The following ZGPAT variants were observed in gnomAD, a reference collection of about 807,000 sequenced individuals.
ZGPAT encodes zinc finger CCCH-type with G patch domain-containing protein.
Under a neutral mutation model 47.9 loss-of-function variants are expected in ZGPAT, and 39 were observed. That is an observed-to-expected ratio of 0.81 (90% CI 0.63 to 1.06). ZGPAT has a LOEUF of 1.06. ZGPAT is among the 50% of genes least tolerant of loss of function. The pLI is 0.00. For synonymous variants in ZGPAT, 348 were observed against 292.9 expected, an observed-to-expected ratio of 1.19 and a Z score of -1.92; for missense variants, 717 against 681.4, an observed-to-expected ratio of 1.05 and a Z score of -0.58.
chr20:63,716,164 G>A (rs908718915), intron 2 of ZGPAT, among the ~76,000 whole-genome samples: 17 of 151,986 alleles, frequency 1.1e-4, no homozygotes, highest in Non-Finnish European at 2.9e-5. Flanking sequence ...CCAGTATCTC[G>A]GACTACAGGC....
rs1227785931 is a variant in ZGPAT at position 63,735,250 on chromosome 20, G to A, written c.1083G>A (p.Leu361=). ...CGCTGGACCAGTGTGTGGAGACCCT[G>A]CAGAAGCAGACCAGGGTTGGCAAGG... ...GKSLDQCVET[L]QKQTRVGKAG... Residue 361 remains leucine, a synonymous_variant, in exon 6 of 7, where the codon CTG becomes CTA. Transcript: ENST00000355969. 1.2e-6 allele frequency: 2 copies of A among 1,604,522 alleles called. No individual in the cohort carries two copies. Among genetic ancestry groups the A allele is most frequent in the Non-Finnish European group, 1.7e-6 (2 of 1,175,726 alleles).
intron 2 of ZGPAT, among the ~76,000 whole-genome samples, chr20:63,721,968 G>A (rs964540320): frequency 6.7e-6 from 1 of 149,302 alleles, no homozygotes. Flanking sequence ...AGCTGAGATC[G>A]TGCCATTGCA....
chr20:63,732,763 C>G (rs1001056141), intron 2 of ZGPAT, among the ~76,000 whole-genome samples: 2 of 148,424 alleles, frequency 1.3e-5, no homozygotes, highest in Non-Finnish European at 3.0e-5. Context: ...TGCCTGTGTA[C>G]GTATGTATAT....
rs779106808 is a variant in ZGPAT, at chr20:63,718,176, C to T, written c.584+9012C>T. 4.6e-5 allele frequency among the ~76,000 whole-genome samples: 7 copies of T among 151,804 alleles called. No individual in the cohort carries two copies. In the East Asian group the frequency reaches 7.8e-4, roughly 17 times the overall value. ...TGCTGAGATTATGGGCAAGAGCCAC[C>T]GCACCCTGCCACTTGGCTGTTTTGT... On this transcript the variant is annotated intron_variant, in intron 2 of 6. Transcript: ENST00000355969.
chr20:63,708,788 C>T lies in ZGPAT; in HGVS notation c.208C>T (p.Arg70Cys), dbSNP rs765193445. Residue 70 changes from arginine (R) to cysteine (C), a missense_variant, in exon 2 of 7, where the codon CGC becomes TGC. By Grantham distance (180) the Arg-to-Cys change is radical (BLOSUM62 -3). Transcript: ENST00000355969. ...CTTGTTGGCCGCGCTGGACGAAGAG[C>T]GCCCGGGCCGCCAGGAAGATGCTGA... Reference protein sequence around the residue: ...SSLLAALDEERPGRQEDAEYQ... With the variant: ...SSLLAALDEECPGRQEDAEYQ... The T allele has an allele frequency of 6.2e-7, 1 of 1,606,080 alleles. No homozygotes were observed. The highest frequency in any genetic ancestry group is 8.5e-7 in the Non-Finnish European group (1 of 1,174,692).
At chr20:63,724,988 T>C (rs1472097955) in intron 2 of ZGPAT, among the ~76,000 whole-genome samples, 1 of 149,806 alleles carries the variant, frequency 6.7e-6, no homozygotes, top group East Asian at 2.0e-4. Context: ...GAATTTCTTT[T>C]TTTTTTTTTT....
At chr20:63,710,774 A>C (rs2091657951) in intron 2 of ZGPAT, among the ~76,000 whole-genome samples, 1 of 152,250 alleles carries the variant, frequency 6.6e-6, no homozygotes, top group South Asian at 2.1e-4. Context: ...ATGTGAGGAC[A>C]AAAAAGAGTA....
intron 2 of ZGPAT, among the ~76,000 whole-genome samples, chr20:63,712,506 C>G (rs1029232600): frequency 6.6e-6 from 1 of 152,166 alleles, no homozygotes; most frequent in Admixed American, 6.5e-5. Flanking sequence ...ATTTTAGGAT[C>G]GGCTTGTCCA....
intron 2 of ZGPAT, among the ~76,000 whole-genome samples, chr20:63,731,711 GTGTGAGAT>G (rs969282555): frequency 1.6e-4 from 23 of 142,098 alleles, no homozygotes; most frequent in African/African-American, 6.0e-4. Flanking sequence ...CCCTTTGTGT[GTGTGAGAT>G]TGTGTGTGCA....
intron 2 of ZGPAT, among the ~76,000 whole-genome samples, chr20:63,727,007 C>CA (rs2091852069): frequency 6.6e-6 from 1 of 152,078 alleles, no homozygotes; most frequent in Non-Finnish European, 1.5e-5. Context: ...CCATCATTGT[C>CA]ACCCAAGGTC....
chr20:63,727,664 G>A (rs1273180054), intron 2 of ZGPAT, among the ~76,000 whole-genome samples: 3 of 141,600 alleles, frequency 2.1e-5, no homozygotes, highest in Non-Finnish European at 3.0e-5. Flanking sequence ...AGTGGGACTC[G>A]GTCTCAAAAA....
Position 63,735,904 on chromosome 20 carries a change from G to T in ZGPAT, c.1521G>T (p.Lys507Asn), listed in dbSNP as rs144346262. The change falls in exon 7 of 7, where the codon AAG becomes AAT. Residue 507 changes from lysine (K) to asparagine (N), a missense_variant. Coordinates refer to ENST00000355969, the MANE Select transcript of ZGPAT (RefSeq NM_181485.3). Reference protein sequence around the residue: ...QEQRKADTHKKMTEF With the variant: ...QEQRKADTHKNMTEF ...AGAGGAAGGCAGACACCCACAAGAA[G>T]ATGACTGAGTTCTAGAGACCCCACA... 4.8e-4 allele frequency: 768 copies of T among 1,612,526 alleles called. 4 individuals are homozygous for T. Among genetic ancestry groups the T allele is most frequent in the Non-Finnish European group, 1.0e-4 (118 of 1,179,802 alleles).
intron 4 of ZGPAT, chr20:63,733,971 CGTGGCTGTGGCCATGGGA>C (rs1425610488): frequency 3.5e-5 from 20 of 575,684 alleles, no homozygotes; most frequent in Non-Finnish European, 5.7e-5. Flanking sequence ...AGGCCATGGT[CGTGGCTGTGGCCATGGGA>C]GAGGAGGGGC....
chr20:63,733,803 C>G, intron 4 of ZGPAT, 64 bp downstream of exon 4: 2 of 1,550,142 alleles, frequency 1.3e-6, no homozygotes, highest in Non-Finnish European at 1.7e-6. Flanking sequence ...GGCTCCTGGC[C>G]GGTGAGGGCA....
At position 63,733,236 on chromosome 20, in the gene ZGPAT, T is replaced by TA; in HGVS notation, c.602_603insA (p.Val202GlyfsTer5). ...GTCTGCAGGTTCTCCCATGGGCAGG[T>TA]GGTCTCTCTGGATGAGCTGCGCCCC... On this transcript the variant is annotated frameshift_variant, in exon 3 of 7. Transcript: ENST00000355969. LOFTEE classifies it high-confidence loss of function. 20 of 1,613,626 alleles carry TA rather than the reference T, an allele frequency of 1.2e-5. No individual in the cohort carries two copies. Among genetic ancestry groups the TA allele is most frequent in the Non-Finnish European group, 1.7e-5 (20 of 1,179,788 alleles).
intron 2 of ZGPAT, among the ~76,000 whole-genome samples, chr20:63,724,203 TA>T (rs1412460186): frequency 6.6e-6 from 1 of 151,796 alleles, no homozygotes; most frequent in Non-Finnish European, 1.5e-5. Context: ...CCGTCTCTAC[TA>T]AAAATACAAA....
intron 2 of ZGPAT, among the ~76,000 whole-genome samples, chr20:63,712,889 C>G (rs2091684670): frequency 6.6e-6 from 1 of 151,872 alleles, no homozygotes; most frequent in Non-Finnish European, 1.5e-5. Context: ...GAGGGAGACT[C>G]CATCTTAAAC....
Position 63,708,733 on chromosome 20 carries a change from G to A in ZGPAT, c.153G>A (p.Glu51=), listed in dbSNP as rs547395197. 1.4e-5 allele frequency: 22 copies of A among 1,612,694 alleles called. 1 individual carries two copies. In the South Asian group the frequency reaches 2.2e-4, roughly 16 times the overall value. ...TGAAGGAGCTCATCGAGCTCACCGA[G>A]GCCAGCCTGGTGTCTGTCAGGAAGA... ...GDLKELIELT[E]ASLVSVRKSS... is the part of the protein sequence containing the mutation. Residue 51 remains glutamate (E), a synonymous_variant, in exon 2 of 7, where the codon GAG becomes GAA. Coordinates refer to ENST00000355969, the MANE Select transcript of ZGPAT (RefSeq NM_181485.3).
intron 2 of ZGPAT, 89 bp from the exon 3 acceptor site, chr20:63,733,130 A>G (rs2091939992): frequency 1.3e-6 from 2 of 1,540,240 alleles, no homozygotes; most frequent in Non-Finnish European, 1.8e-6. Flanking sequence ...CCCTCAGGAC[A>G]GTGCCCAGGC....
Sources: allele counts gnomAD v4.1 joint callset (sites outside exome capture counted in the v4.1 genomes callset), GRCh38; gene constraint gnomAD v4.1.1; transcripts MANE v1.5; gene names NCBI Gene and HGNC (gene_info 2026-07-23, HGNC 2026-07-21).